The following SMYD3 variants were observed in gnomAD, a reference collection of about 807,000 sequenced individuals.
The protein encoded by SMYD3 is histone-lysine N-methyltransferase SMYD3.
Under a neutral mutation model 57.7 loss-of-function variants are expected in SMYD3, and 36 were observed. The ratio of observed to expected loss-of-function variants is 0.62; its 90% CI spans 0.48 to 0.82. The LOEUF is 0.82. SMYD3 is among the 40% of genes least tolerant of loss of function. The pLI is 0.00. For synonymous variants in SMYD3, 211 were observed against 195.0 expected (o/e 1.08, Z -0.68); for missense variants, 515 against 538.8 (o/e 0.96, Z 0.44).
At chr1:246,231,810 T>A (rs1404082863) in intron 5 of SMYD3, among the ~76,000 whole-genome samples, 3 of 151,340 alleles carry the variant, frequency 2.0e-5, no homozygotes, top group Admixed American at 6.6e-5. Flanking sequence ...CTCACAGCAA[T>A]CAATTTTTCA....
In SMYD3 at chr1:246,208,977, C is replaced by T. The variant is rs1335583723; in HGVS notation, c.531+118224G>A. On this transcript the variant is annotated intron_variant, in intron 5 of 11. Transcript: ENST00000490107. ...TTTAGATTCAGAAAATATATTATTT[C>T]GCTGTTGAGTATAGTCTGAAATGAG... Among the ~76,000 whole-genome samples the T allele has an allele frequency of 3.9e-5, 6 of 152,010 alleles. No homozygotes were observed. The East Asian group carries it at 1.2e-3, about 29-fold the overall frequency.
intron 5 of SMYD3, among the ~76,000 whole-genome samples, chr1:246,197,054 A>C (rs1353365358): frequency 6.6e-6 from 1 of 152,232 alleles, no homozygotes; most frequent in Non-Finnish European, 1.5e-5. Flanking sequence ...AAATCAACTG[A>C]AAAAGTTCCC....
intron 5 of SMYD3, among the ~76,000 whole-genome samples, chr1:246,307,577 G>A (rs894066432): frequency 3.3e-5 from 5 of 151,626 alleles, no homozygotes; most frequent in African/African-American, 7.3e-5. Flanking sequence ...CCGCCACCAC[G>A]CCCGGCTAAT....
intron 7 of SMYD3, among the ~76,000 whole-genome samples, chr1:245,920,137 C>T (rs564240394): frequency 1.3e-5 from 2 of 151,992 alleles, no homozygotes; most frequent in Non-Finnish European, 2.9e-5. Context: ...CACGGTGAAA[C>T]CCCGTCTCTA....
At chr1:246,110,627 T>C (rs1489031356) in intron 5 of SMYD3, among the ~76,000 whole-genome samples, 1 of 152,208 alleles carries the variant, frequency 6.6e-6, no homozygotes, top group Non-Finnish European at 1.5e-5. Context: ...GTGCTCTCTC[T>C]CTTTCTTTGG....
At chr1:245,837,301 C>T (rs145572885) in intron 10 of SMYD3, among the ~76,000 whole-genome samples, 2 of 151,914 alleles carry the variant, frequency 1.3e-5, no homozygotes, top group Admixed American at 6.6e-5. Flanking sequence ...ATGGCAGCCA[C>T]AGCTGGGAGA....
intron 1 of SMYD3, among the ~76,000 whole-genome samples, chr1:246,500,038 G>C (rs1234994110): frequency 1.1e-5 from 1 of 94,452 alleles, no homozygotes; most frequent in East Asian, 7.1e-4. Context: ...GCCTGATAAT[G>C]CTGGATTCTG....
At chr1:245,988,915 G>C (rs2058758286) in intron 5 of SMYD3, among the ~76,000 whole-genome samples, 1 of 152,262 alleles carries the variant, frequency 6.6e-6, no homozygotes, top group South Asian at 2.1e-4. Context: ...CTGCTACCAA[G>C]AGCCTTTATC....
At chr1:245,846,173 T>C (rs997380535) in intron 10 of SMYD3, among the ~76,000 whole-genome samples, 4 of 151,968 alleles carry the variant, frequency 2.6e-5, no homozygotes, top group Non-Finnish European at 1.5e-5. Context: ...GAGGACAGCA[T>C]CCAGGAAGGG....
rs181324113 is a variant in SMYD3 at position 245,938,016 on chromosome 1, G to A, written c.532-8079C>T. ...AGGAAACTACAGAAAAACGTTACAC[G>A]TGAAAGGTAAGACTGCACACTAATC... On this transcript the variant is annotated intron_variant, in intron 5 of 11. Transcript: ENST00000490107. Among the ~76,000 whole-genome samples, 12 of 152,340 alleles carry A rather than the reference G, an allele frequency of 7.9e-5. No individual in the cohort carries two copies. The East Asian group carries it at 2.3e-3, about 29-fold the overall frequency.
chr1:245,901,427 T>C (rs184199390), intron 8 of SMYD3, among the ~76,000 whole-genome samples: 87 of 152,318 alleles, frequency 5.7e-4, no homozygotes, highest in Non-Finnish European at 8.1e-4. Flanking sequence ...TAAAAATAAG[T>C]AGGTCCAACA....
rs552217570 is a variant in SMYD3, at chr1:245,838,494, C to T, written c.1076+20002G>A. The stretch of plus-strand genomic sequence containing the variant: ...TGGGTGAGGTGCTCAACTCTCTGAG[C>T]CACAGCTTTCAGAGCTCTAAATGGG... On this transcript the variant is annotated intron_variant, in intron 10 of 11. Coordinates refer to ENST00000490107, the MANE Select transcript of SMYD3 (RefSeq NM_001167740.2). 7.2e-5 allele frequency among the ~76,000 whole-genome samples: 11 copies of T among 152,308 alleles called. No individual in the cohort carries two copies. The East Asian group carries it at 2.1e-3, about 29-fold the overall frequency.
intron 5 of SMYD3, among the ~76,000 whole-genome samples, chr1:246,264,647 C>T (rs2064070884): frequency 6.6e-6 from 1 of 152,210 alleles, no homozygotes; most frequent in African/African-American, 2.4e-5. Context: ...ATTGCAGGTA[C>T]CATCTCCATA....
chr1:246,326,985 C>T lies in SMYD3; in HGVS notation c.531+216G>A. The stretch of plus-strand genomic sequence containing the variant: ...AGAATTCACAATGAACATACTCAGG[C>T]AATAACAAGAATATTAATCAAACAG... On this transcript the variant is annotated intron_variant, in intron 5 of 11. Coordinates refer to ENST00000490107, the MANE Select transcript of SMYD3 (RefSeq NM_001167740.2). 3 of 562,248 alleles carry T rather than the reference C, an allele frequency of 5.3e-6. No individual in the cohort carries two copies. In the South Asian group the frequency reaches 7.4e-5, roughly 14 times the overall value. 34.8% of individuals were successfully genotyped at this position (562,248 alleles called of 1,614,324 possible).
chr1:246,067,721 G>A (rs750023316), intron 5 of SMYD3, among the ~76,000 whole-genome samples: 8 of 152,126 alleles, frequency 5.3e-5, no homozygotes, highest in African/African-American at 1.9e-4. Flanking sequence ...CATTAAACAC[G>A]TAACTGCACA....
chr1:246,002,813 A>G (rs1335088303), intron 5 of SMYD3, among the ~76,000 whole-genome samples: 1 of 151,374 alleles, frequency 6.6e-6, no homozygotes, highest in Non-Finnish European at 1.5e-5. Flanking sequence ...GCAGTGGTGC[A>G]ATCATCGCTC....
At chr1:245,985,337 T>C (rs1262724174) in intron 5 of SMYD3, among the ~76,000 whole-genome samples, 3 of 152,228 alleles carry the variant, frequency 2.0e-5, no homozygotes, top group Non-Finnish European at 2.9e-5. Flanking sequence ...CTACATAGAA[T>C]GATCATCAAT....
At chr1:246,315,240 A>T (rs1334106151) in intron 5 of SMYD3, among the ~76,000 whole-genome samples, 1 of 152,220 alleles carries the variant, frequency 6.6e-6, no homozygotes, top group Non-Finnish European at 1.5e-5. Flanking sequence ...TGAAATTTAT[A>T]GTCTAAGTGG....
Position 245,917,191 on chromosome 1 carries a change from T to C in SMYD3, c.703-1551A>G, listed in dbSNP as rs2055496446. ...GGGCTACAGGCATGTACCACCACAC[T>C]GGCTAATTTTCTGTATTTCTTGTAG... On this transcript the variant is annotated intron_variant, in intron 7 of 11. Coordinates refer to ENST00000490107, the MANE Select transcript of SMYD3 (RefSeq NM_001167740.2). 2.0e-5 allele frequency among the ~76,000 whole-genome samples: 3 copies of C among 152,236 alleles called. 1 individual carries two copies. The South Asian group carries it at 6.2e-4, about 32-fold the overall frequency.
Sources: allele counts gnomAD v4.1 joint callset (sites outside exome capture counted in the v4.1 genomes callset), GRCh38; gene constraint gnomAD v4.1.1; transcripts MANE v1.5; gene names NCBI Gene and HGNC (gene_info 2026-07-23, HGNC 2026-07-21).